Variants in FRY observed in about 807,000 individuals in gnomAD.
The protein encoded by FRY is protein furry homolog.
A neutral mutation model predicts 348.4 loss-of-function variants in FRY; 128 were observed. That is an observed-to-expected ratio of 0.37 (90% confidence interval 0.32 to 0.43). The LOEUF (loss-of-function observed/expected upper bound fraction) is 0.43, where lower values mean the gene tolerates loss of function less well. Ranked by LOEUF, FRY falls within the 20% of genes least tolerant of loss-of-function variation. FRY has a pLI of 1.00. For synonymous variants in FRY, 1,370 were observed against 1,374.7 expected (o/e 1.00, Z 0.08); for missense variants, 2,736 against 3,695.2 (o/e 0.74, Z 6.73).
At chr13:32,094,470 T>C (rs1192438922) in intron 2 of FRY, among the ~76,000 whole-genome samples, 1 of 150,720 alleles carries the variant, frequency 6.6e-6, no homozygotes, top group African/African-American at 2.4e-5. Context: ...CTTTCTAACT[T>C]TTTTTTTTAC....
rs890735427 is a variant in FRY at position 32,259,784 on chromosome 13, T to C, written c.7417-1832T>C. Among the ~76,000 whole-genome samples, 4 of 152,220 alleles carry C rather than the reference T, an allele frequency of 2.6e-5. No homozygotes were observed. In the South Asian group the frequency reaches 8.3e-4, roughly 32 times the overall value. On this transcript the variant is annotated intron_variant, in intron 51 of 60. Coordinates refer to ENST00000542859, the MANE Select transcript of FRY (RefSeq NM_023037.3). ...TCCCAGAACTTTTGCCTCTTTCATA[T>C]ATTGTTTTATTTTCTCACTGCTGTG...
At chr13:32,124,036 C>T (rs1388762469) in intron 4 of FRY, among the ~76,000 whole-genome samples, 1 of 152,122 alleles carries the variant, frequency 6.6e-6, no homozygotes, top group African/African-American at 2.4e-5. Flanking sequence ...CGGGGTTTCA[C>T]CATGTGGGCC....
chr13:32,223,667 T>C (rs943733813), intron 36 of FRY, among the ~76,000 whole-genome samples: 2 of 152,154 alleles, frequency 1.3e-5, no homozygotes, highest in African/African-American at 4.8e-5. Context: ...ATGCCTATAG[T>C]CCTAGCTACT....
At chr13:32,101,304 T>C (rs980664475) in intron 2 of FRY, among the ~76,000 whole-genome samples, 1 of 152,232 alleles carries the variant, frequency 6.6e-6, no homozygotes, top group East Asian at 1.9e-4. Flanking sequence ...GATTTCCTTC[T>C]TTTTTAAGGC....
intron 40 of FRY, among the ~76,000 whole-genome samples, chr13:32,230,451 A>G (rs1343510942): frequency 6.6e-6 from 1 of 152,148 alleles, no homozygotes; most frequent in African/African-American, 2.4e-5. Context: ...TAGTTTGCTA[A>G]GGTGATAGCC....
At chr13:32,184,137 C>T (rs1283698095) in intron 24 of FRY, among the ~76,000 whole-genome samples, 1 of 152,118 alleles carries the variant, frequency 6.6e-6, no homozygotes, top group Non-Finnish European at 1.5e-5. Context: ...CAAGATCACA[C>T]CACTGCACTC....
chr13:32,125,474 A>G (rs969799432), intron 7 of FRY, among the ~76,000 whole-genome samples: 1 of 152,142 alleles, frequency 6.6e-6, no homozygotes, highest in Admixed American at 6.5e-5. Flanking sequence ...ATTTTGTCCA[A>G]CCCTGAGGCA....
intron 2 of FRY, among the ~76,000 whole-genome samples, chr13:32,081,558 C>T (rs928473952): frequency 2.6e-5 from 4 of 152,196 alleles, no homozygotes; most frequent in Non-Finnish European, 4.4e-5. Flanking sequence ...CTCATGACCT[C>T]AGGTGATCCT....
intron 15 of FRY, 130 bp downstream of exon 15, chr13:32,155,792 A>T (rs1881071955): frequency 1.6e-6 from 1 of 626,006 alleles, no homozygotes; most frequent in Non-Finnish European, 2.7e-6. Flanking sequence ...TCCAACATTA[A>T]TTGTTTTGAT....
intron 31 of FRY, among the ~76,000 whole-genome samples, chr13:32,204,982 C>T (rs992550871): frequency 6.6e-6 from 1 of 152,090 alleles, no homozygotes; most frequent in East Asian, 1.9e-4. Context: ...GCAGGTGGAC[C>T]ACTTGAGGCC....
chr13:32,213,472 G>A (rs563169999), intron 35 of FRY, among the ~76,000 whole-genome samples: 19 of 152,348 alleles, frequency 1.2e-4, no homozygotes, highest in African/African-American at 4.6e-4. Flanking sequence ...CTTGTCCTTT[G>A]AAGTTCTCTA....
chr13:32,202,894 A>C (rs924688257), intron 31 of FRY, among the ~76,000 whole-genome samples: 3 of 151,628 alleles, frequency 2.0e-5, no homozygotes, highest in African/African-American at 4.9e-5. Context: ...GTTTGCAGTG[A>C]GCCGAGATTG....
intron 4 of FRY, 60 bp from the exon 5 acceptor site, chr13:32,124,226 A>C: frequency 2.9e-6 from 3 of 1,023,794 alleles, no homozygotes; most frequent in Non-Finnish European, 4.6e-6. Flanking sequence ...TTTTTTATGA[A>C]TTGTATTACT....
intron 1 of FRY, among the ~76,000 whole-genome samples, chr13:32,035,012 A>G (rs781467955): frequency 1.3e-5 from 2 of 152,232 alleles, no homozygotes; most frequent in African/African-American, 2.4e-5. Context: ...TGTAAAATGT[A>G]CGCAAAAATA....
At chr13:32,155,088 T>G (rs1193586657) in intron 14 of FRY, among the ~76,000 whole-genome samples, 3 of 152,190 alleles carry the variant, frequency 2.0e-5, no homozygotes, top group Admixed American at 6.5e-5. Context: ...CCTGGGTGTT[T>G]CCATTCAATC....
chr13:32,247,312 AT>A lies in FRY; in HGVS notation c.6829-8del, dbSNP rs1376566259. Reference sequence around the variant, plus strand: ...ATTATTTTTAACCCTTGAATGTTTTATTTCCTGCAGAGTGTTCACTGGAGAG... The same window carrying A: ...ATTATTTTTAACCCTTGAATGTTTTATTCCTGCAGAGTGTTCACTGGAGAG... On this transcript the variant is annotated splice_polypyrimidine_tract_variant and intron_variant, in intron 47 of 60. Coordinates refer to ENST00000542859, the MANE Select transcript of FRY (RefSeq NM_023037.3). 1 of 1,606,184 alleles carries A rather than the reference AT, an allele frequency of 6.2e-7. No individual in the cohort carries two copies. The highest frequency in any genetic ancestry group is 1.3e-5 in the African/African-American group (1 of 74,848).
At position 32,124,329 on chromosome 13, in the gene FRY, G is replaced by A. The variant is rs377132504; in HGVS notation, c.508G>A (p.Ala170Thr). ...RDYLMERRDL[A>T]IDFIFSLVLI... ...TTATTTAATGGAAAGACGGGACCTC[G>A]CCATTGATTTTATTTTTTCTTTAGT... The change falls in exon 5 of 61, where the codon GCC becomes ACC. Residue 170 changes from alanine (A) to threonine (T), a missense_variant. This residue lies in a region of FRY where 309 missense variants were observed against 418.1 expected (regional missense o/e 0.74). Coordinates refer to ENST00000542859, the MANE Select transcript of FRY (RefSeq NM_023037.3). The A allele has an allele frequency of 3.0e-5, 48 of 1,601,070 alleles. No homozygotes were observed. Among genetic ancestry groups the A allele is most frequent in the Admixed American group, 1.2e-4 (7 of 59,884 alleles).
chr13:32,133,768 C>CTTTTTTTTTTT (rs34413710), intron 8 of FRY, among the ~76,000 whole-genome samples: 146 of 89,278 alleles, frequency 1.6e-3, no homozygotes, highest in East Asian at 3.8e-3. Flanking sequence ...TTCTTTCTTT[C>CTTTTTTTTTTT]TTTTTTTTTT....
At chr13:32,079,800 A>G (rs916144486) in intron 2 of FRY, among the ~76,000 whole-genome samples, 2 of 152,240 alleles carry the variant, frequency 1.3e-5, no homozygotes, top group Non-Finnish European at 1.5e-5. Context: ...GCCACACACC[A>G]TAAAAGAAAA....
Sources: gnomAD v4.1 joint callset for allele counts (sites outside exome capture counted in the v4.1 genomes callset) on GRCh38, gnomAD v4.1.1 for gene constraint, gnomAD v4.1.1 regional missense constraint, MANE v1.5 for transcripts, NCBI Gene and HGNC (gene_info 2026-07-23, HGNC 2026-07-21) for gene names.